Variants in PDE5A observed in about 807,000 individuals in gnomAD.
PDE5A encodes phosphodiesterase 5A, also known as cGMP-specific 3',5'-cyclic phosphodiesterase.
In PDE5A, 67 loss-of-function variants were observed where a neutral mutation model predicts 110.2. The observed-to-expected ratio is 0.61, with a 90% CI of 0.50 to 0.75. PDE5A has a LOEUF of 0.75. PDE5A is among the 30% of genes least tolerant of loss of function. PDE5A has a pLI of 0.00. For missense variants in PDE5A, 862 were observed against 1,045.1 expected (o/e 0.82, Z 2.42); for synonymous variants, 328 against 351.2 (o/e 0.93, Z 0.74).
chr4:119,502,426 T>C, intron 19 of PDE5A, 155 bp downstream of exon 19: 1 of 516,784 alleles, frequency 1.9e-6, no homozygotes, highest in Non-Finnish European at 3.4e-6. Flanking sequence ...CTTTCTGTAA[T>C]GAACATGTAT....
At chr4:119,624,706 T>C (rs1054920833) in intron 1 of PDE5A, among the ~76,000 whole-genome samples, 2 of 152,184 alleles carry the variant, frequency 1.3e-5, no homozygotes, top group African/African-American at 4.8e-5. Context: ...ACAGAGCTGA[T>C]TAGTAATTAA....
intron 12 of PDE5A, among the ~76,000 whole-genome samples, 168 bp from the exon 13 acceptor site, chr4:119,521,228 G>A (rs935666819): frequency 6.6e-6 from 1 of 152,070 alleles, no homozygotes; most frequent in Non-Finnish European, 1.5e-5. Context: ...AGGTCATATT[G>A]TTAGTTAGGG....
chr4:119,588,324 G>A (rs1317304725), intron 3 of PDE5A, among the ~76,000 whole-genome samples: 3 of 151,678 alleles, frequency 2.0e-5, no homozygotes, highest in African/African-American at 4.8e-5. Flanking sequence ...GATTGCAGGC[G>A]CATGCCACAC....
chr4:119,502,538 A>AAAAC (rs749512025), intron 19 of PDE5A, 43 bp downstream of exon 19: 1 of 1,208,958 alleles, frequency 8.3e-7, no homozygotes, highest in Non-Finnish European at 1.2e-6. Context: ...AATTAAAAAA[A>AAAAC]AAACAATTTG....
intron 1 of PDE5A, among the ~76,000 whole-genome samples, chr4:119,622,979 G>C (rs1443259117): frequency 6.7e-6 from 1 of 149,524 alleles, no homozygotes; most frequent in Non-Finnish European, 1.5e-5. Flanking sequence ...TAAACATTTG[G>C]TTGGCAACAA....
intron 3 of PDE5A, among the ~76,000 whole-genome samples, chr4:119,568,161 G>T (rs1728012061): frequency 6.6e-6 from 1 of 150,426 alleles, no homozygotes. Flanking sequence ...TTGCCCATAT[G>T]GTAAAGGGAT....
chr4:119,568,660 G>A (rs1313170487), intron 3 of PDE5A, among the ~76,000 whole-genome samples: 6 of 152,080 alleles, frequency 3.9e-5, no homozygotes, highest in Non-Finnish European at 8.8e-5. Context: ...CTTAATGTGG[G>A]TAAAAGAGAA....
chr4:119,532,515 T>C (rs1726580294), intron 11 of PDE5A, among the ~76,000 whole-genome samples: 1 of 151,884 alleles, frequency 6.6e-6, no homozygotes, highest in Non-Finnish European at 1.5e-5. Flanking sequence ...ATAATGGCCA[T>C]TCACACAACA....
At chr4:119,585,542 G>A (rs965597188) in intron 3 of PDE5A, among the ~76,000 whole-genome samples, 26 of 152,124 alleles carry the variant, frequency 1.7e-4, no homozygotes, top group Non-Finnish European at 3.7e-4. Context: ...TTTAATTAAT[G>A]AGCAGAGTTC....
At chr4:119,504,399 T>C (rs948476185) in intron 18 of PDE5A, 137 bp downstream of exon 18, 6 of 602,300 alleles carry the variant, frequency 1.0e-5, no homozygotes, top group African/African-American at 7.5e-5. Flanking sequence ...ATATAATAAA[T>C]GGTGCTGTGA....
intron 1 of PDE5A, among the ~76,000 whole-genome samples, chr4:119,617,505 C>T (rs1729982866): frequency 6.6e-6 from 1 of 152,104 alleles, no homozygotes; most frequent in African/African-American, 2.4e-5. Context: ...CTTTAAAATA[C>T]ATATTCAATA....
intron 2 of PDE5A, among the ~76,000 whole-genome samples, chr4:119,602,526 T>C (rs1013146749): frequency 7.2e-5 from 11 of 152,172 alleles, no homozygotes; most frequent in Non-Finnish European, 1.2e-4. Context: ...GCCTGAAACA[T>C]TGAACAAGCA....
rs529561589 is a variant in PDE5A, at chr4:119,542,310, T to G, written c.1572+149A>C. 6.3e-6 allele frequency: 4 copies of G among 632,918 alleles called. No individual in the cohort carries two copies. In the East Asian group the frequency reaches 1.1e-4, roughly 17 times the overall value. 39.2% of individuals were successfully genotyped at this position (632,918 alleles called of 1,614,324 possible). ...GTCTTAGTTTCTTTCATTCTTTAGT[T>G]GAGGACAATAAGGATCTCATCATCT... On this transcript the variant is annotated intron_variant, in intron 10 of 20. Transcript: ENST00000354960.
At chr4:119,592,150 CA>C (rs70944895) in intron 3 of PDE5A, among the ~76,000 whole-genome samples, 385 of 15,740 alleles carry the variant, frequency 0.024, no homozygotes, top group Admixed American at 0.034. Flanking sequence ...GACTCTGTCT[CA>C]AAAAAAAAAA....
Position 119,497,917 on chromosome 4 carries a change from A to C in PDE5A, c.*684T>G, listed in dbSNP as rs907012246. On this transcript the variant is annotated 3_prime_UTR_variant, in exon 21 of 21. Coordinates refer to ENST00000354960, the MANE Select transcript of PDE5A (RefSeq NM_001083.4). ...GCTTTGCATCAGGTAGGTGAGATGAAAGTGATTTTATGGGTAGCTTTCAGA... is the reference window on the plus strand; with the variant it reads ...GCTTTGCATCAGGTAGGTGAGATGACAGTGATTTTATGGGTAGCTTTCAGA... The C allele has an allele frequency of 6.6e-6, 1 of 152,184 alleles. No individual in the cohort carries two copies. Among genetic ancestry groups the C allele is most frequent in the Non-Finnish European group, 1.5e-5 (1 of 68,044 alleles). 9.4% of individuals were successfully genotyped at this position (152,184 alleles called of 1,614,324 possible).
intron 3 of PDE5A, among the ~76,000 whole-genome samples, chr4:119,570,858 A>G (rs1179974891): frequency 6.6e-6 from 1 of 152,212 alleles, no homozygotes; most frequent in African/African-American, 2.4e-5. Context: ...ATCTGAGCCA[A>G]ATACAAACTT....
intron 3 of PDE5A, among the ~76,000 whole-genome samples, chr4:119,570,160 C>T (rs534834985): frequency 6.6e-6 from 1 of 152,278 alleles, no homozygotes; most frequent in South Asian, 2.1e-4. Flanking sequence ...TTTAAGGATC[C>T]TGAGCAAAAC....
chr4:119,505,837 G>A lies in PDE5A; in HGVS notation c.2267+18C>T, dbSNP rs371884116. On this transcript the variant is annotated intron_variant, in intron 17 of 20. Transcript: ENST00000354960. ...CTGGGTAAAAAACTTCAGCTTTAAA[G>A]ATAGTAAACCTACTTACAAAAACAA... The A allele has an allele frequency of 6.3e-6, 9 of 1,432,536 alleles. No individual in the cohort carries two copies. In the African/African-American group the frequency reaches 1.0e-4, roughly 16 times the overall value. 88.7% of individuals were successfully genotyped at this position (1,432,536 alleles called of 1,614,324 possible).
At chr4:119,586,786 G>C (rs1219066870) in intron 3 of PDE5A, among the ~76,000 whole-genome samples, 1 of 152,094 alleles carries the variant, frequency 6.6e-6, no homozygotes, top group African/African-American at 2.4e-5. Flanking sequence ...TGGTTATCTT[G>C]AAATTACCAA....
Sources: gnomAD v4.1 joint callset for allele counts (sites outside exome capture counted in the v4.1 genomes callset) on GRCh38, gnomAD v4.1.1 for gene constraint, MANE v1.5 for transcripts, NCBI Gene and HGNC (gene_info 2026-07-23, HGNC 2026-07-21) for gene names.